Variants in NSD1 observed in about 807,000 individuals in gnomAD.
NSD1 encodes the protein nuclear receptor binding SET domain protein 1.
A neutral mutation model predicts 242.7 loss-of-function variants in NSD1; 26 were observed. That is an observed-to-expected ratio of 0.11 (90% confidence interval 0.08 to 0.15). The LOEUF (loss-of-function observed/expected upper bound fraction) is 0.15. NSD1 is among the 10% of genes least tolerant of loss of function. The pLI is 1.00. For missense variants in NSD1, 2,495 were observed against 3,272.8 expected (o/e 0.76, Z 5.80); for synonymous variants, 1,106 against 1,178.1 (o/e 0.94, Z 1.25).
chr5:177,177,627 G>A (rs1401587202), intron 2 of NSD1, among the ~76,000 whole-genome samples: 1 of 152,102 alleles, frequency 6.6e-6, no homozygotes, highest in Non-Finnish European at 1.5e-5. Flanking sequence ...TCCAGCCTGG[G>A]TGACAGATTC....
At chr5:177,161,680 C>CTTTTTTTTTTTTTTTTTTTTTTTTTTTTT (rs57657595) in intron 2 of NSD1, among the ~76,000 whole-genome samples, 1 of 135,246 alleles carries the variant, frequency 7.4e-6, no homozygotes, top group Non-Finnish European at 1.6e-5. Context: ...TTCTTTCTTT[C>CTTTTTTTTTTTTTTTTTTTTTTTTTTTTT]TTTTTTTTTT....
chr5:177,156,174 A>ATTTTTTT (rs34417228), intron 2 of NSD1, among the ~76,000 whole-genome samples: 117 of 78,020 alleles, frequency 1.5e-3, no homozygotes, highest in Non-Finnish European at 1.9e-3. Flanking sequence ...CTCTTTTCAG[A>ATTTTTTT]TTTTTTTTTT....
chr5:177,265,198 A>C, intron 14 of NSD1: 1 of 782,210 alleles, frequency 1.3e-6, no homozygotes, highest in East Asian at 2.4e-5. Context: ...AATGGGAAGG[A>C]GTCTGAGCTG....
At chr5:177,202,609 G>A (rs1486105527) in intron 3 of NSD1, among the ~76,000 whole-genome samples, 2 of 152,010 alleles carry the variant, frequency 1.3e-5, no homozygotes, top group Admixed American at 6.6e-5. Flanking sequence ...GAACTCCTGG[G>A]CTCAAGCAGT....
In NSD1 at chr5:177,242,040, A is replaced by G. The variant is rs548546180; in HGVS notation, c.4303-2155A>G. Among the ~76,000 whole-genome samples, 22 of 152,164 alleles carry G rather than the reference A, an allele frequency of 1.4e-4. No individual in the cohort carries two copies. In the South Asian group the frequency reaches 4.4e-3, roughly 30 times the overall value. ...CTTTGGTCTTTTTCATTCTAAACAG[A>G]ATAGTTTGATTTTTATTCATATGGT... On this transcript the variant is annotated intron_variant, in intron 8 of 22. Coordinates refer to ENST00000439151, the MANE Select transcript of NSD1 (RefSeq NM_022455.5).
rs79270699 is a variant in NSD1 at position 177,295,725 on chromosome 5, A to T, written c.*266A>T. 9.1e-6 allele frequency: 5 copies of T among 551,172 alleles called. No homozygotes were observed. The East Asian group carries it at 1.6e-4, about 17-fold the overall frequency. The allele number at this position is 551,172 out of a possible 1,614,324, so 34.1% of individuals were successfully genotyped here. ...GGTCTCTTTCCCCCAACTTTTCCAC[A>T]TGGTCATCGTGAAATAAAAAGTCCA... On this transcript the variant is annotated 3_prime_UTR_variant, in exon 23 of 23. Coordinates refer to ENST00000439151, the MANE Select transcript of NSD1 (RefSeq NM_022455.5). The surrounding 1 kb of genome is among the most constrained non-coding windows in gnomAD (Gnocchi z 4.3).
At chr5:177,146,054 A>T (rs970295845) in intron 2 of NSD1, among the ~76,000 whole-genome samples, 1 of 150,860 alleles carries the variant, frequency 6.6e-6, no homozygotes, top group South Asian at 2.1e-4. Flanking sequence ...GTGCCACTGC[A>T]CTCCAGCCTG....
At chr5:177,143,701 T>C (rs1436704963) in intron 2 of NSD1, among the ~76,000 whole-genome samples, 6 of 152,136 alleles carry the variant, frequency 3.9e-5, no homozygotes, top group Admixed American at 2.6e-4. Context: ...AGTCCCTTAA[T>C]GTCTCTAAGG....
Position 177,295,289 on chromosome 5 carries a change from G to A in NSD1, c.7921G>A (p.Ala2641Thr), listed in dbSNP as rs1274319147. ...SSRAGLWPIVAGQTLAQSCWS... is the reference protein window; with the variant it reads ...SSRAGLWPIVTGQTLAQSCWS... ...ACGGGCAGGGCTCTGGCCCATAGTGGCTGGACAGACACTGGCACAGTCTTG... is the reference window on the plus strand; with the variant it reads ...ACGGGCAGGGCTCTGGCCCATAGTGACTGGACAGACACTGGCACAGTCTTG... Residue 2641 changes from alanine to threonine, a missense_variant, in exon 23 of 23, where the codon GCT becomes ACT. Ala to Thr is a moderately conservative substitution (Grantham distance 58). Around this residue, in one of 19 missense-constraint regions of NSD1, gnomAD observed 475 missense variants for 563.7 expected, o/e 0.84. Coordinates refer to ENST00000439151, the MANE Select transcript of NSD1 (RefSeq NM_022455.5). The surrounding 1 kb of genome is among the most constrained non-coding windows in gnomAD (Gnocchi z 4.3). The A allele has an allele frequency of 6.2e-7, 1 of 1,614,138 alleles. No homozygotes were observed. Among genetic ancestry groups the A allele is most frequent in the Non-Finnish European group, 8.5e-7 (1 of 1,180,050 alleles).
At chr5:177,292,628 T>G (rs1759931918) in intron 22 of NSD1, among the ~76,000 whole-genome samples, 1 of 152,208 alleles carries the variant, frequency 6.6e-6, no homozygotes, top group African/African-American at 2.4e-5. Flanking sequence ...TGCCACCCTT[T>G]TAGCACTTCC....
chr5:177,278,300 G>C (rs1393510611), intron 17 of NSD1, among the ~76,000 whole-genome samples: 1 of 152,094 alleles, frequency 6.6e-6, no homozygotes, highest in Non-Finnish European at 1.5e-5. Context: ...TGTAGACATA[G>C]GGTTTCATTG....
intron 4 of NSD1, among the ~76,000 whole-genome samples, chr5:177,208,292 G>A (rs1763056216): frequency 6.6e-6 from 1 of 152,004 alleles, no homozygotes; most frequent in Non-Finnish European, 1.5e-5. Flanking sequence ...TAATAGCTCT[G>A]GATTACATGA....
intron 2 of NSD1, among the ~76,000 whole-genome samples, chr5:177,157,392 C>A (rs1758228343): frequency 1.3e-5 from 2 of 151,560 alleles, no homozygotes; most frequent in Admixed American, 6.6e-5. Context: ...ATATAATTCA[C>A]ATAAGATAAA....
chr5:177,242,085 ATGTG>A (rs143218417), intron 8 of NSD1, among the ~76,000 whole-genome samples: 11 of 150,874 alleles, frequency 7.3e-5, no homozygotes, highest in African/African-American at 2.4e-4. Context: ...GTGTGTGTGC[ATGTG>A]TGTGTGTGTG....
chr5:177,237,036 TC>T (rs1480883624), intron 6 of NSD1, among the ~76,000 whole-genome samples: 1 of 152,118 alleles, frequency 6.6e-6, no homozygotes, highest in Non-Finnish European at 1.5e-5. Context: ...AGAGGCGGTG[TC>T]CCACTATGTT....
chr5:177,154,628 C>T (rs796509348), intron 2 of NSD1, among the ~76,000 whole-genome samples: 2 of 152,056 alleles, frequency 1.3e-5, no homozygotes, highest in Non-Finnish European at 2.9e-5. Flanking sequence ...ACTTGGTCTT[C>T]CTTTTTCACA....
intron 5 of NSD1, among the ~76,000 whole-genome samples, chr5:177,235,512 T>G (rs1049596145): frequency 6.6e-6 from 1 of 152,238 alleles, no homozygotes; most frequent in African/African-American, 2.4e-5. Flanking sequence ...ATATATTAGC[T>G]TTATATGTAC....
Position 177,135,768 on chromosome 5 carries a change from T to A in NSD1, c.665T>A (p.Val222Asp), listed in dbSNP as rs2149756659. ...DSTPESRHGAVKSPFLPLAPQ... is the reference protein window; with the variant it reads ...DSTPESRHGADKSPFLPLAPQ... ...ACACCAGAGAGTAGACACGGTGCAG[T>A]CAAATCGCCATTCTTGCCATTAGCT... Residue 222 changes from valine (V) to aspartate (D), a missense_variant, in exon 2 of 23, where the codon GTC becomes GAC. By Grantham distance (152) the Val-to-Asp change is radical. Coordinates refer to ENST00000439151, the MANE Select transcript of NSD1 (RefSeq NM_022455.5). 1 of 1,613,112 alleles carries A rather than the reference T, an allele frequency of 6.2e-7. No individual in the cohort carries two copies. Among genetic ancestry groups the A allele is most frequent in the Non-Finnish European group, 8.5e-7 (1 of 1,179,132 alleles).
At chr5:177,245,329 T>C (rs1766194995) in intron 9 of NSD1, among the ~76,000 whole-genome samples, 1 of 152,182 alleles carries the variant, frequency 6.6e-6, no homozygotes, top group South Asian at 2.1e-4. Flanking sequence ...ACTTTATCCA[T>C]TATAAATTTT....
Sources: gnomAD v4.1 joint callset for allele counts (sites outside exome capture counted in the v4.1 genomes callset) on GRCh38, gnomAD v4.1.1 for gene constraint, gnomAD v4.1.1 regional missense constraint, Gnocchi (gnomAD v3.1) non-coding constraint, MANE v1.5 for transcripts, NCBI Gene and HGNC (gene_info 2026-07-23, HGNC 2026-07-21) for gene names.